WDFY3: variants seen among roughly 807,000 people sequenced by gnomAD.
WDFY3 encodes WD repeat and FYVE domain containing 3.
WDFY3 carries 66 observed loss-of-function variants against 409.6 expected under a neutral mutation model. The ratio of observed to expected loss-of-function variants is 0.16; its 90% confidence interval spans 0.13 to 0.20. WDFY3 has a LOEUF of 0.20. Among genes scored for constraint, WDFY3 ranks in the 10% least tolerant of loss-of-function variants. The pLI is 1.00. For synonymous variants in WDFY3, 1,521 were observed against 1,537.1 expected (o/e 0.99, Z 0.25); for missense variants, 3,031 against 4,298.1 (o/e 0.71, Z 8.24).
At chr4:84,864,684 G>A (rs984708362) in intron 3 of WDFY3, among the ~76,000 whole-genome samples, 2 of 152,082 alleles carry the variant, frequency 1.3e-5, no homozygotes, top group Non-Finnish European at 1.5e-5. Context: ...TTCAAAGTAC[G>A]ATAGTGAAAT....
chr4:84,771,144 T>G lies in WDFY3; in HGVS notation c.4849+1691A>C, dbSNP rs896918398. Among the ~76,000 whole-genome samples the G allele has an allele frequency of 5.3e-5, 8 of 152,108 alleles. No homozygotes were observed. The East Asian group carries it at 1.5e-3, about 29-fold the overall frequency. ...TAAATATTTTTCCCACCTTTTTTTG[T>G]TTGTTTTTAGAGACAGAGTCTCACT... On this transcript the variant is annotated intron_variant, in intron 30 of 67. Coordinates refer to ENST00000295888, the MANE Select transcript of WDFY3 (RefSeq NM_014991.6).
At chr4:84,871,727 C>T (rs1402074300) in intron 3 of WDFY3, among the ~76,000 whole-genome samples, 6 of 151,962 alleles carry the variant, frequency 3.9e-5, no homozygotes, top group Admixed American at 2.0e-4. Flanking sequence ...CTCAAACTCC[C>T]GTGATCAAGT....
chr4:84,877,454 C>T (rs1391915111), intron 3 of WDFY3, among the ~76,000 whole-genome samples: 1 of 152,120 alleles, frequency 6.6e-6, no homozygotes, highest in Non-Finnish European at 1.5e-5. Context: ...CCACCTCAGA[C>T]TCCCAGCTAA....
rs1201991698 is a variant in WDFY3, at chr4:84,834,494, A to AC, written c.576+2434_576+2435insG. Among the ~76,000 whole-genome samples, 5 of 151,962 alleles carry AC rather than the reference A, an allele frequency of 3.3e-5. No homozygotes were observed. The South Asian group carries it at 1.0e-3, about 32-fold the overall frequency. ...AAACCTCATCTCTACTAAAAACAAA[A>AC]AAAAAAAACTAGCCAGGCATGGTGG... On this transcript the variant is annotated intron_variant, in intron 7 of 67. Coordinates refer to ENST00000295888, the MANE Select transcript of WDFY3 (RefSeq NM_014991.6).
intron 15 of WDFY3, among the ~76,000 whole-genome samples, chr4:84,806,638 G>A (rs763967325): frequency 7.9e-5 from 12 of 152,064 alleles, no homozygotes; most frequent in Non-Finnish European, 1.2e-4. Context: ...ATGGAGTCTC[G>A]CTCTGTAGTC....
intron 61 of WDFY3, among the ~76,000 whole-genome samples, chr4:84,689,140 T>C (rs1728827613): frequency 6.6e-6 from 1 of 152,196 alleles, no homozygotes; most frequent in Non-Finnish European, 1.5e-5. Flanking sequence ...TGTAAATCAG[T>C]GTAAACTTGG....
Position 84,726,865 on chromosome 4 carries a change from T to G in WDFY3, c.7268A>C (p.Gln2423Pro). The G allele has an allele frequency of 1.9e-6, 3 of 1,606,168 alleles. No homozygotes were observed. The highest frequency in any genetic ancestry group is 2.3e-5 in the South Asian group (2 of 88,864). Residue 2423 changes from glutamine to proline, a missense_variant, in exon 45 of 68, where the codon CAA becomes CCA. Physicochemically the swap from Gln to Pro is moderately conservative, Grantham distance 76. Around this residue, in one of 16 missense-constraint regions of WDFY3, gnomAD observed 127 missense variants for 144.4 expected, o/e 0.88. Coordinates refer to ENST00000295888, the MANE Select transcript of WDFY3 (RefSeq NM_014991.6). ...KQPETPDDIP[Q>P]KKPARYRRAV... ...TTACTGTAATTTGTGTTTTACCTTT[T>G]GAGGAATATCATCGGGTGTCTCAGG...
chr4:84,761,116 T>C (rs1203232529), intron 32 of WDFY3, among the ~76,000 whole-genome samples: 1 of 152,132 alleles, frequency 6.6e-6, no homozygotes, highest in Non-Finnish European at 1.5e-5. Flanking sequence ...TTGAGCGGTT[T>C]TGAGTGAGTT....
chr4:84,691,855 A>G lies in WDFY3; in HGVS notation c.9050-70T>C, dbSNP rs1729320012. On this transcript the variant is annotated intron_variant, in intron 59 of 67. Transcript: ENST00000295888. ...TAATGTCATTATCTCATAGAGCATG[A>G]TAATTTCAAATATTCATATAAATCA... The G allele has an allele frequency of 5.9e-6, 8 of 1,366,496 alleles. No individual in the cohort carries two copies. The Admixed American group carries it at 6.9e-5, about 12-fold the overall frequency. 84.6% of individuals were successfully genotyped at this position (1,366,496 alleles called of 1,614,324 possible).
intron 2 of WDFY3, among the ~76,000 whole-genome samples, chr4:84,926,183 C>T (rs1769962537): frequency 1.5e-5 from 2 of 136,530 alleles, no homozygotes; most frequent in South Asian, 2.4e-4. Flanking sequence ...CCAGCCTGGG[C>T]GACAGAGTGA....
In WDFY3 at chr4:84,789,778, T is replaced by C. The variant is rs1748187066; in HGVS notation, c.3617A>G (p.Lys1206Arg). The C allele has an allele frequency of 6.2e-7, 1 of 1,613,902 alleles. No individual in the cohort carries two copies. The highest frequency in any genetic ancestry group is 1.7e-5 in the Admixed American group (1 of 59,984). ...AATATAAAGGGCTGCAGTACTGTTTTTCAACATGCCTTTGCTCATTACCAG... is the reference window on the plus strand; with the variant it reads ...AATATAAAGGGCTGCAGTACTGTTTCTCAACATGCCTTTGCTCATTACCAG... The part of the protein sequence containing the change: ...LVLVMSKGML[K>R]NSTAALYIDG... The change falls in exon 22 of 68, where the codon AAA (lysine) becomes AGA (arginine). Residue 1206 changes from lysine to arginine, a missense_variant. By Grantham distance (26) the Lys-to-Arg change is conservative (BLOSUM62 2). Transcript: ENST00000295888.
At chr4:84,713,487 C>T (rs1197198777) in intron 50 of WDFY3, among the ~76,000 whole-genome samples, 15 of 152,196 alleles carry the variant, frequency 9.9e-5, no homozygotes, top group Admixed American at 9.8e-4. Flanking sequence ...ATCTCAATCA[C>T]TTTACTTAGC....
At chr4:84,807,515 T>C (rs1220405429) in intron 15 of WDFY3, among the ~76,000 whole-genome samples, 3 of 152,116 alleles carry the variant, frequency 2.0e-5, no homozygotes, top group Admixed American at 6.5e-5. Flanking sequence ...AAAACAACAA[T>C]ATAGCAGAAC....
In WDFY3 at chr4:84,810,278, C is replaced by T. The variant is rs1217001359; in HGVS notation, c.1954G>A (p.Val652Met). 1.2e-6 allele frequency: 2 copies of T among 1,610,236 alleles called. No individual in the cohort carries two copies. Among genetic ancestry groups the T allele is most frequent in the Admixed American group, 1.7e-5 (1 of 59,760 alleles). ...RTVFRKVGGF[V>M]YITSLLVAME... ...GCAACGAGCAAGGATGTAATGTACA[C>T]AAATCCTCCAACTTTCCTAAAAACT... Residue 652 changes from valine (V) to methionine (M), a missense_variant, in exon 14 of 68, where the codon GTG (valine) becomes ATG (methionine). Transcript: ENST00000295888.
intron 16 of WDFY3, among the ~76,000 whole-genome samples, chr4:84,802,568 A>C (rs533242879): frequency 1.6e-4 from 25 of 152,242 alleles, no homozygotes; most frequent in Admixed American, 1.2e-3. Flanking sequence ...GCGCCTGGCC[A>C]GAAGCATACC....
intron 14 of WDFY3, among the ~76,000 whole-genome samples, 192 bp from the exon 15 acceptor site, chr4:84,808,609 G>A (rs1001860329): frequency 2.6e-5 from 4 of 152,202 alleles, no homozygotes; most frequent in African/African-American, 9.7e-5. Flanking sequence ...CACGGCAGAT[G>A]CTTATTCCAT....
chr4:84,847,630 C>T lies in WDFY3; in HGVS notation c.304+2272G>A, dbSNP rs1169731710. On this transcript the variant is annotated intron_variant, in intron 5 of 67. Coordinates refer to ENST00000295888, the MANE Select transcript of WDFY3 (RefSeq NM_014991.6). ...AAAAAAAAAAAAAAAAAAAATTAGC[C>T]GGGCATGGTGGCACGTGCCTGTAGT... is the stretch of plus-strand genomic sequence containing the variant. 6.8e-5 allele frequency among the ~76,000 whole-genome samples: 10 copies of T among 147,354 alleles called. No individual in the cohort carries two copies. The East Asian group carries it at 1.4e-3, about 20-fold the overall frequency.
chr4:84,724,485 T>G lies in WDFY3; in HGVS notation c.7382A>C (p.Glu2461Ala). 1 of 1,614,124 alleles carries G rather than the reference T, an allele frequency of 6.2e-7. No individual in the cohort carries two copies. The highest frequency in any genetic ancestry group is 2.2e-5 in the East Asian group (1 of 44,884). Residue 2461 changes from glutamate to alanine, a missense_variant, in exon 46 of 68, where the codon GAA becomes GCA. Transcript: ENST00000295888. ...IVQDAIVESSEGEAAQQEPEH... is the reference protein window; with the variant it reads ...IVQDAIVESSAGEAAQQEPEH... ...TGGTTCTTGCTGAGCAGCTTCACCTTCTGAACTCTCCACAATGGCGTCTTG... is the reference window on the plus strand; with the variant it reads ...TGGTTCTTGCTGAGCAGCTTCACCTGCTGAACTCTCCACAATGGCGTCTTG...
At chr4:84,914,782 G>A (rs905192232) in intron 2 of WDFY3, among the ~76,000 whole-genome samples, 2 of 152,108 alleles carry the variant, frequency 1.3e-5, no homozygotes, top group African/African-American at 4.8e-5. Flanking sequence ...AAGTTTAGTG[G>A]TTCCTCAAAA....
Sources: gnomAD v4.1 joint callset for allele counts (sites outside exome capture counted in the v4.1 genomes callset) on GRCh38, gnomAD v4.1.1 for gene constraint, gnomAD v4.1.1 regional missense constraint, MANE v1.5 for transcripts, NCBI Gene and HGNC (gene_info 2026-07-23, HGNC 2026-07-21) for gene names.